ALPK1: variants seen among roughly 807,000 people sequenced by gnomAD.
ALPK1 encodes alpha kinase 1.
Under a neutral mutation model 120.6 loss-of-function variants are expected in ALPK1, and 110 were observed. The observed-to-expected ratio is 0.91, with a 90% CI of 0.78 to 1.07. The LOEUF is 1.07. Ranked by LOEUF, ALPK1 falls within the 50% of genes least tolerant of loss-of-function variation. The pLI, the probability that ALPK1 is intolerant of heterozygous loss-of-function variation, is 0.00. For missense variants in ALPK1, 1,498 were observed against 1,483.9 expected, an observed-to-expected ratio of 1.01 and a Z score of -0.16; for synonymous variants, 582 against 560.3, an observed-to-expected ratio of 1.04 and a Z score of -0.55.
At chr4:112,337,497 C>T (rs1488993697) in intron 2 of ALPK1, among the ~76,000 whole-genome samples, 1 of 152,094 alleles carries the variant, frequency 6.6e-6, no homozygotes, top group Non-Finnish European at 1.5e-5. Context: ...GACTTTGAGA[C>T]AGCCTGGGCA....
At chr4:112,425,143 T>C (rs1578562708) in intron 6 of ALPK1, 1 of 152,414 alleles carries the variant, frequency 6.6e-6, no homozygotes, top group East Asian at 1.9e-4. Flanking sequence ...ATGTGAGCAA[T>C]AAATCTTCTC....
In ALPK1 at chr4:112,439,745, ATTT is replaced by A; in HGVS notation, c.3412_3414del (p.Phe1138del). ...GTGTGGAGCCTTACATACTGGGAGA[ATTT>A]GTAAAATTGTCAAATAACACGAAAG... On this transcript the variant is annotated inframe_deletion, in exon 14 of 16. Transcript: ENST00000650871. 6.2e-7 allele frequency: 1 copy of A among 1,613,716 alleles called. No homozygotes were observed. The highest frequency in any genetic ancestry group is 8.5e-7 in the Non-Finnish European group (1 of 1,179,848).
Position 112,364,345 on chromosome 4 carries a change from T to A in ALPK1, c.-100-13333T>A, listed in dbSNP as rs1195455821. Among the ~76,000 whole-genome samples, 3 of 151,324 alleles carry A rather than the reference T, an allele frequency of 2.0e-5. No homozygotes were observed. In the East Asian group the frequency reaches 5.8e-4, roughly 29 times the overall value. On this transcript the variant is annotated intron_variant, in intron 2 of 15. Coordinates refer to ENST00000650871, the MANE Select transcript of ALPK1 (RefSeq NM_025144.4). The stretch of plus-strand genomic sequence containing the variant: ...TTAACCAATAAAAGAAGAGAGAAGA[T>A]CCAAATAAGCTCAATTAGAAAAGAA...
intron 5 of ALPK1, among the ~76,000 whole-genome samples, chr4:112,422,088 T>G (rs1734021643): frequency 6.6e-6 from 1 of 152,292 alleles, no homozygotes; most frequent in East Asian, 1.9e-4. Flanking sequence ...GACTAATGGG[T>G]GATCATCGTA....
chr4:112,356,443 A>T, intron 2 of ALPK1: 1 of 944,348 alleles, frequency 1.1e-6, no homozygotes, highest in Non-Finnish European at 1.7e-6. Context: ...TGCTACACGG[A>T]CATCCCAAAG....
At chr4:112,298,565 T>A (rs1414885704) in intron 1 of ALPK1, among the ~76,000 whole-genome samples, 5 of 152,182 alleles carry the variant, frequency 3.3e-5, no homozygotes, top group Non-Finnish European at 5.9e-5. Context: ...CTCTCAAATT[T>A]CTTCCGCCAA....
chr4:112,427,673 T>C lies in ALPK1; in HGVS notation c.795+8T>C, dbSNP rs1475523435. On this transcript the variant is annotated splice_region_variant and intron_variant, in intron 9 of 15. Coordinates refer to ENST00000650871, the MANE Select transcript of ALPK1 (RefSeq NM_025144.4). ...AATCCACAAATTAATTTGGTAATTA[T>C]CATAACACTGAGTGGCATCACCTGT... 1 of 1,583,144 alleles carries C rather than the reference T, an allele frequency of 6.3e-7. No individual in the cohort carries two copies. The highest frequency in any genetic ancestry group is 1.7e-5 in the Admixed American group (1 of 59,956).
intron 1 of ALPK1, among the ~76,000 whole-genome samples, chr4:112,304,594 GTTGT>G (rs1273643726): frequency 6.6e-6 from 1 of 152,034 alleles, no homozygotes; most frequent in Non-Finnish European, 1.5e-5. Flanking sequence ...TTTTGATGGG[GTTGT>G]TTGTTTTTTT....
chr4:112,420,821 C>A (rs1733958996), intron 5 of ALPK1, among the ~76,000 whole-genome samples: 1 of 149,188 alleles, frequency 6.7e-6, no homozygotes. Flanking sequence ...CATGTATATA[C>A]TCATACATAC....
Position 112,435,142 on chromosome 4 carries a change from T to C in ALPK1, c.3035-6T>C, listed in dbSNP as rs567856122. ...TAAGATTCATTTTCATCTTTTTTTT[T>C]CCCAGGTGCTCTTTTGTTAAAATAT... On this transcript the variant is annotated splice_polypyrimidine_tract_variant and splice_region_variant and intron_variant, in intron 11 of 15. Coordinates refer to ENST00000650871, the MANE Select transcript of ALPK1 (RefSeq NM_025144.4). The C allele has an allele frequency of 5.9e-5, 95 of 1,596,848 alleles. No individual in the cohort carries two copies. In the African/African-American group the frequency reaches 7.3e-4, roughly 12 times the overall value.
In ALPK1 at chr4:112,313,738, T is replaced by G. The variant is rs542963448; in HGVS notation, c.-152-2063T>G. On this transcript the variant is annotated intron_variant, in intron 1 of 15. Transcript: ENST00000650871. ...ACTCCCATCTCAAAAAAAGTAATAA[T>G]AAGAAGAATTGACGGCTGGATTTAG... is the stretch of plus-strand genomic sequence containing the variant. 1.2e-4 allele frequency among the ~76,000 whole-genome samples: 19 copies of G among 152,162 alleles called. No individual in the cohort carries two copies. In the South Asian group the frequency reaches 3.7e-3, roughly 30 times the overall value.
At chr4:112,421,766 C>T (rs1734002793) in intron 5 of ALPK1, among the ~76,000 whole-genome samples, 1 of 152,202 alleles carries the variant, frequency 6.6e-6, no homozygotes, top group Non-Finnish European at 1.5e-5. Context: ...CATACTTTCA[C>T]AGTTGGAGAT....
At chr4:112,392,756 C>T (rs568679521) in intron 4 of ALPK1, among the ~76,000 whole-genome samples, 49 of 152,232 alleles carry the variant, frequency 3.2e-4, no homozygotes, top group Admixed American at 5.9e-4. Context: ...GTCTCAAACT[C>T]CTGAGCTCAA....
intron 5 of ALPK1, chr4:112,423,662 C>A: frequency 1.9e-6 from 1 of 538,874 alleles, no homozygotes; most frequent in East Asian, 4.3e-5. Flanking sequence ...TTTGCCTCTA[C>A]TCCTCAAACC....
chr4:112,402,145 C>G (rs940247460), intron 4 of ALPK1, among the ~76,000 whole-genome samples: 2 of 152,200 alleles, frequency 1.3e-5, no homozygotes, highest in African/African-American at 4.8e-5. Flanking sequence ...CAGGACTTCC[C>G]CACCTCCCTT....
intron 2 of ALPK1, chr4:112,358,395 A>G: frequency 1.6e-6 from 1 of 620,396 alleles, no homozygotes; most frequent in Non-Finnish European, 2.9e-6. Context: ...AGTTTGCGTG[A>G]GGCAGAAGAT....
chr4:112,423,198 G>A (rs1316649770), intron 5 of ALPK1, among the ~76,000 whole-genome samples: 1 of 152,218 alleles, frequency 6.6e-6, no homozygotes, highest in African/African-American at 2.4e-5. Context: ...TGAAGAAGAA[G>A]AGAGGAAGCC....
chr4:112,380,894 CTTGGGT>C, intron 3 of ALPK1, among the ~76,000 whole-genome samples: 1 of 152,202 alleles, frequency 6.6e-6, no homozygotes, highest in South Asian at 2.1e-4. Flanking sequence ...AGCCTGCTCC[CTTGGGT>C]TTGGAAGTGC....
rs568997521 is a variant in ALPK1 at position 112,349,555 on chromosome 4, C to CCCT, written c.-100-28121_-100-28120insTCC. On this transcript the variant is annotated intron_variant, in intron 2 of 15. Coordinates refer to ENST00000650871, the MANE Select transcript of ALPK1 (RefSeq NM_025144.4). ...ATTATTACCGCCCCAACCCCTGCCC[C>CCCT]CCCCCGCTTTATTTTTGAGACAGAG... Among the ~76,000 whole-genome samples the CCCT allele has an allele frequency of 3.8e-3, 538 of 142,674 alleles. 25 individuals carry two copies. Among genetic ancestry groups the CCCT allele is most frequent in the African/African-American group, 0.013 (499 of 37,294 alleles). The allele number at this position is 142,674 out of a possible 152,430, so 93.6% of individuals were successfully genotyped here. A position where few individuals can be genotyped will look rare whatever the true frequency, so the allele number is the denominator to read the frequency against.
Sources: allele counts gnomAD v4.1 joint callset (sites outside exome capture counted in the v4.1 genomes callset), GRCh38; gene constraint gnomAD v4.1.1; transcripts MANE v1.5; gene names NCBI Gene and HGNC (gene_info 2026-07-23, HGNC 2026-07-21).